ST8SIA5: variants seen among roughly 807,000 people sequenced by gnomAD.
ST8SIA5 encodes the protein alpha-2,8-sialyltransferase 8E.
ST8SIA5 carries 24 observed loss-of-function variants against 40.2 expected under a neutral mutation model. The ratio of observed to expected loss-of-function variants is 0.60; its 90% CI spans 0.43 to 0.84. The LOEUF (loss-of-function observed/expected upper bound fraction) is 0.84, where lower values mean the gene tolerates loss of function less well. Ranked by LOEUF, ST8SIA5 falls within the 40% of genes least tolerant of loss-of-function variation. ST8SIA5 has a pLI of 0.00. For missense variants in ST8SIA5, 465 were observed against 498.5 expected (o/e 0.93, Z 0.64); for synonymous variants, 198 against 201.8 (o/e 0.98, Z 0.16).
intron 1 of ST8SIA5, among the ~76,000 whole-genome samples, chr18:46,715,419 G>C (rs2039777904): frequency 6.6e-6 from 1 of 152,134 alleles, no homozygotes; most frequent in African/African-American, 2.4e-5. Flanking sequence ...AAGCACACTT[G>C]GGAAGGCAGG....
At chr18:46,691,143 TTC>T (rs1365272395) in intron 3 of ST8SIA5, among the ~76,000 whole-genome samples, 7 of 152,212 alleles carry the variant, frequency 4.6e-5, no homozygotes, top group African/African-American at 1.7e-4. Flanking sequence ...CAAGCTCATG[TTC>T]TGTTTCTTAT....
chr18:46,680,301 C>T lies in ST8SIA5; in HGVS notation c.872G>A (p.Ser291Asn). The T allele has an allele frequency of 6.2e-7, 1 of 1,614,218 alleles. No individual in the cohort carries two copies. The highest frequency in any genetic ancestry group is 8.5e-7 in the Non-Finnish European group (1 of 1,180,044). The stretch of plus-strand genomic sequence containing the variant: ...GATGCGCTTGGCGCGCACCCCCAGG[C>T]TGAGCCAGTAGCGCGACACGTTGAC... The part of the protein sequence containing the change: ...YLVNVSRYWL[S>N]LGVRAKRIST... Residue 291 changes from serine to asparagine, a missense_variant, in exon 7 of 7, where the codon AGC (serine) becomes AAC (asparagine). By Grantham distance (46) the Ser-to-Asn change is conservative. Coordinates refer to ENST00000315087, the MANE Select transcript of ST8SIA5 (RefSeq NM_013305.6).
chr18:46,713,208 G>A (rs2144514984), intron 1 of ST8SIA5, among the ~76,000 whole-genome samples: 1 of 152,310 alleles, frequency 6.6e-6, no homozygotes, highest in Admixed American at 6.5e-5. Context: ...CAAAGAAAGT[G>A]GGGAGAAGGA....
chr18:46,749,731 A>G (rs479328), intron 1 of ST8SIA5, among the ~76,000 whole-genome samples: 121,623 of 152,214 alleles, frequency 0.8, 48,800 homozygotes, highest in East Asian at 0.85. Context: ...TAAAAACTAT[A>G]TAGCTAGACA....
intron 2 of ST8SIA5, among the ~76,000 whole-genome samples, chr18:46,699,022 T>C (rs7231689): frequency 0.29 from 44,356 of 152,134 alleles, 7,060 homozygotes; most frequent in East Asian, 0.41. Flanking sequence ...ACACTATTTG[T>C]TATTCTTCAA....
chr18:46,723,691 C>T (rs1017348198), intron 1 of ST8SIA5, among the ~76,000 whole-genome samples: 8 of 152,056 alleles, frequency 5.3e-5, no homozygotes, highest in African/African-American at 9.7e-5. Flanking sequence ...TTTGGAAGGC[C>T]GAGGCAGGCG....
rs1398417996 is a variant in ST8SIA5, at chr18:46,669,859, CAGG to C, written c.*10180_*10182del. 6.6e-6 allele frequency: 1 copy of C among 152,162 alleles called. No homozygotes were observed. Among genetic ancestry groups the C allele is most frequent in the Admixed American group, 6.5e-5 (1 of 15,276 alleles). 9.4% of individuals were successfully genotyped at this position (152,162 alleles called of 1,614,324 possible). On this transcript the variant is annotated 3_prime_UTR_variant, in exon 7 of 7. Coordinates refer to ENST00000315087, the MANE Select transcript of ST8SIA5 (RefSeq NM_013305.6). ...GGAGGAGGTGGGCGAATCACGAGGT[CAGG>C]AGTTCACAACCAGCCTGGCCAAAAT... is the stretch of plus-strand genomic sequence containing the variant.
intron 2 of ST8SIA5, among the ~76,000 whole-genome samples, chr18:46,698,333 C>T (rs1030066687): frequency 3.3e-5 from 5 of 151,940 alleles, no homozygotes; most frequent in Admixed American, 1.3e-4. Context: ...AACAACCCAA[C>T]ACACCAACAA....
At chr18:46,682,113 A>C in intron 5 of ST8SIA5, 49 bp from the exon 6 acceptor site, 19 of 1,286,090 alleles carry the variant, frequency 1.5e-5, no homozygotes, top group Non-Finnish European at 1.8e-5. Context: ...TCAATAGGTC[A>C]GGCTGGGGAG....
At chr18:46,733,535 G>A (rs1472843950) in intron 1 of ST8SIA5, among the ~76,000 whole-genome samples, 5 of 151,696 alleles carry the variant, frequency 3.3e-5, no homozygotes, top group Admixed American at 2.0e-4. Context: ...CAGATATGAC[G>A]ACAATAAACT....
At chr18:46,688,427 C>T (rs111622160) in intron 4 of ST8SIA5, among the ~76,000 whole-genome samples, 6,136 of 152,266 alleles carry the variant, frequency 0.04, 413 homozygotes, top group African/African-American at 0.14. Flanking sequence ...TCTGCATGTG[C>T]GTTTGCTCTT....
At chr18:46,684,933 G>A (rs1020854182) in intron 5 of ST8SIA5, among the ~76,000 whole-genome samples, 1 of 152,100 alleles carries the variant, frequency 6.6e-6, no homozygotes, top group African/African-American at 2.4e-5. Flanking sequence ...AGCGGCAGTT[G>A]GCAACGCAGG....
intron 1 of ST8SIA5, among the ~76,000 whole-genome samples, chr18:46,725,537 G>A (rs898812914): frequency 2.0e-5 from 3 of 146,546 alleles, no homozygotes; most frequent in South Asian, 2.2e-4. Flanking sequence ...TAAATGGCAC[G>A]GGTGGGGGGG....
In ST8SIA5 at chr18:46,680,530, G is replaced by A. The variant is rs1419072731; in HGVS notation, c.663-20C>T. On this transcript the variant is annotated intron_variant, in intron 6 of 6. Transcript: ENST00000315087. ...TGGAACCTACACAGGGCGCGAGTGA[G>A]AGGTGAGCACCCACTCCTCCGTGCC... 3 of 1,547,642 alleles carry A rather than the reference G, an allele frequency of 1.9e-6. No homozygotes were observed. The highest frequency in any genetic ancestry group is 2.6e-6 in the Non-Finnish European group (3 of 1,142,258).
intron 2 of ST8SIA5, among the ~76,000 whole-genome samples, chr18:46,700,109 A>C (rs1186109190): frequency 6.6e-6 from 1 of 152,228 alleles, no homozygotes; most frequent in Non-Finnish European, 1.5e-5. Flanking sequence ...ACAGGTGTAA[A>C]TAATTTTAGT....
At chr18:46,681,499 CCCAGGAGGGGAG>C (rs1354281490) in intron 6 of ST8SIA5, among the ~76,000 whole-genome samples, 1 of 152,176 alleles carries the variant, frequency 6.6e-6, no homozygotes, top group Non-Finnish European at 1.5e-5. Flanking sequence ...CCAGATGAAC[CCCAGGAGGGGAG>C]CCAGGAGGGG....
At chr18:46,745,275 G>C (rs1331667423) in intron 1 of ST8SIA5, among the ~76,000 whole-genome samples, 1 of 152,006 alleles carries the variant, frequency 6.6e-6, no homozygotes, top group African/African-American at 2.4e-5. Flanking sequence ...ACAAATCCAG[G>C]AGCTGGTTTT....
At position 46,692,246 on chromosome 18, in the gene ST8SIA5, C is replaced by G; in HGVS notation, c.234G>C (p.Gln78His). ...LEVKVLSMVK[Q>H]SELFDRWKSL... ...TCTTCCACCTGTCGAACAGCTCTGA[C>G]TGCTTCACCCTTGGGAGTAGAGGAC... The change falls in exon 3 of 7, where the codon CAG becomes CAC. Residue 78 changes from glutamine to histidine, a missense_variant. By Grantham distance (24) the Gln-to-His change is conservative. Coordinates refer to ENST00000315087, the MANE Select transcript of ST8SIA5 (RefSeq NM_013305.6). The G allele has an allele frequency of 6.2e-7, 1 of 1,614,152 alleles. No individual in the cohort carries two copies. The highest frequency in any genetic ancestry group is 8.5e-7 in the Non-Finnish European group (1 of 1,180,028).
At position 46,674,159 on chromosome 18, in the gene ST8SIA5, C is replaced by A. The variant is rs16939951; in HGVS notation, c.*5883G>T. Reference sequence around the variant, plus strand: ...ATTGCTTCCCAGGCTGCACCTCAGCCACAGTGATGTAAGAGCCTGACATGT... The same window carrying A: ...ATTGCTTCCCAGGCTGCACCTCAGCAACAGTGATGTAAGAGCCTGACATGT... On this transcript the variant is annotated 3_prime_UTR_variant, in exon 7 of 7. Transcript: ENST00000315087. The A allele has an allele frequency of 0.27, 41,622 of 152,070 alleles. 5,886 individuals are homozygous for A. Among genetic ancestry groups the A allele is most frequent in the Middle Eastern group, 0.39 (116 of 294 alleles). The allele number at this position is 152,070 out of a possible 1,614,324, so 9.4% of individuals were successfully genotyped here. A position where few individuals can be genotyped will look rare whatever the true frequency, so the allele number is the denominator to read the frequency against.
Sources: allele counts gnomAD v4.1 joint callset (sites outside exome capture counted in the v4.1 genomes callset), GRCh38; gene constraint gnomAD v4.1.1; transcripts MANE v1.5; gene names NCBI Gene and HGNC (gene_info 2026-07-23, HGNC 2026-07-21).